The following EFCAB6 variants were observed in gnomAD, a reference collection of about 807,000 sequenced individuals.
EFCAB6 encodes EF-hand calcium-binding domain-containing protein 6.
In EFCAB6, 156 loss-of-function variants were observed where a neutral mutation model predicts 169.8. The observed-to-expected ratio is 0.92, with a 90% CI of 0.81 to 1.05. EFCAB6 has a LOEUF of 1.05. EFCAB6 is among the 50% of genes least tolerant of loss of function. The pLI is 0.00. For missense variants in EFCAB6, 1,800 were observed against 1,829.1 expected (o/e 0.98, Z 0.29); for synonymous variants, 698 against 676.4 (o/e 1.03, Z -0.50).
intron 12 of EFCAB6, among the ~76,000 whole-genome samples, chr22:43,678,836 C>G: frequency 6.6e-6 from 1 of 152,128 alleles, no homozygotes; most frequent in East Asian, 1.9e-4. Context: ...CATACGGAGA[C>G]AGTGAATATT....
At chr22:43,717,899 T>A (rs2059388986) in intron 8 of EFCAB6, among the ~76,000 whole-genome samples, 1 of 152,192 alleles carries the variant, frequency 6.6e-6, no homozygotes, top group Non-Finnish European at 1.5e-5. Context: ...ATCAAGCCTA[T>A]GAAATACTAC....
intron 26 of EFCAB6, among the ~76,000 whole-genome samples, chr22:43,570,612 CT>C (rs34079137): frequency 2.7e-4 from 39 of 146,942 alleles, no homozygotes; most frequent in South Asian, 4.3e-4. Context: ...TAGGTGTTCT[CT>C]TTTTTTTTTT....
chr22:43,565,344 T>C (rs962822790), intron 26 of EFCAB6, among the ~76,000 whole-genome samples: 1 of 152,236 alleles, frequency 6.6e-6, no homozygotes, highest in African/African-American at 2.4e-5. Context: ...TATTGTTTCG[T>C]GGCCCTGAGG....
intron 20 of EFCAB6, among the ~76,000 whole-genome samples, chr22:43,624,432 C>A (rs1053488012): frequency 6.6e-6 from 1 of 152,156 alleles, no homozygotes; most frequent in African/African-American, 2.4e-5. Context: ...GCCCTCCTGC[C>A]CTCCTGGCCT....
chr22:43,704,902 T>C (rs543640103), intron 10 of EFCAB6, among the ~76,000 whole-genome samples: 1 of 152,122 alleles, frequency 6.6e-6, no homozygotes, highest in East Asian at 1.9e-4. Flanking sequence ...TTCTTCCCTA[T>C]CAATAATTAC....
intron 17 of EFCAB6, among the ~76,000 whole-genome samples, chr22:43,644,709 A>G (rs2056042396): frequency 6.6e-6 from 1 of 152,208 alleles, no homozygotes; most frequent in Non-Finnish European, 1.5e-5. Flanking sequence ...AAATGATGAC[A>G]ATGATAAGCT....
chr22:43,600,720 G>A (rs12158600), intron 22 of EFCAB6, among the ~76,000 whole-genome samples: 4,933 of 152,204 alleles, frequency 0.032, 245 homozygotes, highest in African/African-American at 0.11. Context: ...CTGGAGTACA[G>A]TGGTGCGAGC....
chr22:43,573,006 G>A (rs181520845), intron 26 of EFCAB6, among the ~76,000 whole-genome samples: 6 of 152,352 alleles, frequency 3.9e-5, no homozygotes, highest in East Asian at 3.9e-4. Context: ...CACAGGAGGC[G>A]AAAAGGCAGG....
intron 17 of EFCAB6, among the ~76,000 whole-genome samples, chr22:43,643,752 T>C (rs1417045651): frequency 2.0e-5 from 3 of 152,330 alleles, no homozygotes; most frequent in African/African-American, 7.2e-5. Flanking sequence ...ACAGCAGGGA[T>C]AGGGTGTCTA....
At chr22:43,802,031 T>C (rs2062739923) in intron 2 of EFCAB6, among the ~76,000 whole-genome samples, 1 of 152,196 alleles carries the variant, frequency 6.6e-6, no homozygotes. Flanking sequence ...GGATATTCCA[T>C]GCAAATGAAA....
chr22:43,530,730 T>TAGA lies in EFCAB6; in HGVS notation c.4383+82_4383+84dup, dbSNP rs796793248. On this transcript the variant is annotated intron_variant, in intron 31 of 31. Transcript: ENST00000262726. The stretch of plus-strand genomic sequence containing the variant: ...GTCACACCGGGCCTTCGGCAGCAGG[T>TAGA]AGAGGGCTCCCCGTGGGAAGTTTCT... 3.0e-5 allele frequency: 48 copies of TAGA among 1,584,000 alleles called. No individual in the cohort carries two copies. In the African/African-American group the frequency reaches 6.1e-4, roughly 20 times the overall value.
intron 2 of EFCAB6, among the ~76,000 whole-genome samples, chr22:43,784,511 A>ATGTGTG (rs370724337): frequency 0.056 from 5,146 of 91,170 alleles, 413 homozygotes; most frequent in Middle Eastern, 0.12. Flanking sequence ...AAATATATAT[A>ATGTGTG]TGTGTGTGTG....
In EFCAB6 at chr22:43,795,476, C is replaced by G. The variant is rs2062470703; in HGVS notation, c.-7-13151G>C. Among the ~76,000 whole-genome samples the G allele has an allele frequency of 6.6e-6, 1 of 152,114 alleles. No homozygotes were observed. The highest frequency in any genetic ancestry group is 2.4e-5 in the African/African-American group (1 of 41,408). ...TGCCTCCTGCCCACATCTCCCCTCT[C>G]ACGGCCCCATGGGTCCCTCGGCCCT... On this transcript the variant is annotated intron_variant, in intron 2 of 31. Coordinates refer to ENST00000262726, the MANE Select transcript of EFCAB6 (RefSeq NM_022785.4). The surrounding 1 kb of genome is among the most constrained non-coding windows in gnomAD (Gnocchi z 4.2).
intron 8 of EFCAB6, among the ~76,000 whole-genome samples, chr22:43,723,557 T>A (rs535942687): frequency 6.6e-6 from 1 of 152,212 alleles, no homozygotes; most frequent in East Asian, 1.9e-4. Flanking sequence ...TATTGGGTTT[T>A]AAATTTTTTT....
chr22:43,638,868 C>A (rs1159806190), intron 17 of EFCAB6, among the ~76,000 whole-genome samples: 1 of 150,972 alleles, frequency 6.6e-6, no homozygotes, highest in Non-Finnish European at 1.5e-5. Flanking sequence ...TCACCGCAAC[C>A]TCTGCCTCCC....
At chr22:43,670,526 T>C (rs1270923800) in intron 15 of EFCAB6, among the ~76,000 whole-genome samples, 2 of 152,244 alleles carry the variant, frequency 1.3e-5, no homozygotes, top group Non-Finnish European at 1.5e-5. Flanking sequence ...GCTTAATAAA[T>C]CGCAGCTGTA....
chr22:43,675,054 G>C (rs1388427784), intron 13 of EFCAB6, among the ~76,000 whole-genome samples: 1 of 151,738 alleles, frequency 6.6e-6, no homozygotes. Context: ...ACGGGGTACA[G>C]CCAACACCAA....
intron 21 of EFCAB6, among the ~76,000 whole-genome samples, chr22:43,609,024 T>C (rs890916297): frequency 7.2e-5 from 11 of 152,220 alleles, no homozygotes; most frequent in African/African-American, 2.7e-4. Context: ...GATTATATGG[T>C]ACCATTTTTA....
chr22:43,553,814 A>G (rs1010401440), intron 27 of EFCAB6: 2 of 152,424 alleles, frequency 1.3e-5, no homozygotes, highest in Non-Finnish European at 2.9e-5. Context: ...GAGCCACAGA[A>G]GAGCTCAGTC....
Sources: gnomAD v4.1 joint callset for allele counts (sites outside exome capture counted in the v4.1 genomes callset) on GRCh38, gnomAD v4.1.1 for gene constraint, Gnocchi (gnomAD v3.1) non-coding constraint, MANE v1.5 for transcripts, NCBI Gene and HGNC (gene_info 2026-07-23, HGNC 2026-07-21) for gene names.